The following SULF2 variants were observed in gnomAD, a reference collection of about 807,000 sequenced individuals.
SULF2 encodes sulfatase 2.
A neutral mutation model predicts 107.7 loss-of-function variants in SULF2; 52 were observed. The observed-to-expected ratio is 0.48, with a 90% CI of 0.39 to 0.61. The LOEUF (loss-of-function observed/expected upper bound fraction) is 0.61, where lower values mean the gene tolerates loss of function less well. SULF2 is among the 20% of genes least tolerant of loss of function. The probability of loss-of-function intolerance (pLI) is 0.00; values close to 1 mark genes in which losing one functional copy is unlikely to be tolerated. For synonymous variants in SULF2, 460 were observed against 464.3 expected (o/e 0.99, Z 0.12); for missense variants, 993 against 1,177.3 (o/e 0.84, Z 2.29).
chr20:47,767,733 C>T (rs1234034064), intron 1 of SULF2, among the ~76,000 whole-genome samples: 1 of 152,076 alleles, frequency 6.6e-6, no homozygotes, highest in African/African-American at 2.4e-5. Flanking sequence ...CGAGATTGCG[C>T]TACTGCACTC....
intron 4 of SULF2, among the ~76,000 whole-genome samples, chr20:47,701,781 T>C (rs1014794767): frequency 6.6e-6 from 1 of 152,198 alleles, no homozygotes; most frequent in African/African-American, 2.4e-5. Context: ...AGAAGCCAGA[T>C]GCAGAGTGAA....
chr20:47,770,202 A>C (rs2090604611), intron 1 of SULF2, among the ~76,000 whole-genome samples: 1 of 151,952 alleles, frequency 6.6e-6, no homozygotes, highest in African/African-American at 2.4e-5. Context: ...CTGGGACTGC[A>C]GGTGAGGACA....
intron 3 of SULF2, among the ~76,000 whole-genome samples, chr20:47,726,044 A>T (rs1158720273): frequency 6.6e-6 from 1 of 152,154 alleles, no homozygotes; most frequent in African/African-American, 2.4e-5. Flanking sequence ...CATAAGGGGA[A>T]GTGAGTGCAG....
intron 7 of SULF2, among the ~76,000 whole-genome samples, chr20:47,681,870 AGGCAGGGTTTCACCATGTT>A (rs1262833801): frequency 6.6e-6 from 1 of 152,080 alleles, no homozygotes; most frequent in Non-Finnish European, 1.5e-5. Context: ...TTTTTAGTAG[AGGCAGGGTTTCACCATGTT>A]GGCCAGGCTG....
At chr20:47,664,007 C>T in intron 15 of SULF2, 123 bp downstream of exon 15, 3 of 1,053,880 alleles carry the variant, frequency 2.8e-6, no homozygotes, top group Non-Finnish European at 4.2e-6. Context: ...TCGAGGGCTA[C>T]CGTGGACTTC....
chr20:47,754,597 C>T (rs1345001267), intron 2 of SULF2, among the ~76,000 whole-genome samples: 1 of 152,200 alleles, frequency 6.6e-6, no homozygotes, highest in Non-Finnish European at 1.5e-5. Flanking sequence ...CAAGAGCTGA[C>T]ACAGGCCACT....
intron 6 of SULF2, among the ~76,000 whole-genome samples, chr20:47,684,149 A>G (rs550880834): frequency 4.9e-4 from 74 of 152,262 alleles, no homozygotes; most frequent in Non-Finnish European, 8.4e-4. Context: ...TGTGAATTAC[A>G]TCCCAATAAA....
At chr20:47,660,610 A>T (rs1568773790) in intron 18 of SULF2, among the ~76,000 whole-genome samples, 3 of 149,716 alleles carry the variant, frequency 2.0e-5, no homozygotes, top group Non-Finnish European at 2.9e-5. Flanking sequence ...TTTTTAATAT[A>T]TTTTTTTTAT....
Position 47,658,110 on chromosome 20 carries a change from A to G in SULF2, c.*252T>C, listed in dbSNP as rs2086952166. ...GGTTAGTGGTGACTTTTTGATACGA[A>G]AAAATGCATTTTGTGCAGCTGGTGA... On this transcript the variant is annotated 3_prime_UTR_variant, in exon 21 of 21. Transcript: ENST00000688720. 1.9e-6 allele frequency: 1 copy of G among 526,724 alleles called. No individual in the cohort carries two copies. Among genetic ancestry groups the G allele is most frequent in the African/African-American group, 1.9e-5 (1 of 52,446 alleles). The allele number at this position is 526,724 out of a possible 1,614,324, so 32.6% of individuals were successfully genotyped here.
intron 3 of SULF2, among the ~76,000 whole-genome samples, chr20:47,719,732 G>A (rs1196336162): frequency 1.3e-5 from 2 of 152,198 alleles, no homozygotes; most frequent in Admixed American, 6.5e-5. Flanking sequence ...CAGACTATGT[G>A]TTTTCAGCTA....
At chr20:47,658,721 T>C (rs556907184) in intron 20 of SULF2, among the ~76,000 whole-genome samples, 1 of 152,252 alleles carries the variant, frequency 6.6e-6, no homozygotes, top group Non-Finnish European at 1.5e-5. Context: ...GCCACACAGG[T>C]TTATATGCAT....
chr20:47,757,672 G>A (rs780797866), intron 1 of SULF2, among the ~76,000 whole-genome samples: 1 of 151,988 alleles, frequency 6.6e-6, no homozygotes, highest in Non-Finnish European at 1.5e-5. Context: ...GCCTTCTGTG[G>A]CCACTTCTGC....
chr20:47,762,402 C>T (rs1331039275), intron 1 of SULF2, among the ~76,000 whole-genome samples: 1 of 152,258 alleles, frequency 6.6e-6, no homozygotes, highest in East Asian at 1.9e-4. Context: ...CTGCTCTGAG[C>T]TGTTTGCAGG....
chr20:47,780,388 T>C (rs1237413447), intron 1 of SULF2, among the ~76,000 whole-genome samples: 1 of 152,052 alleles, frequency 6.6e-6, no homozygotes, highest in African/African-American at 2.4e-5. Flanking sequence ...CTCTGGGCCT[T>C]TGCACTAGCT....
Position 47,726,553 on chromosome 20 carries a change from T to C in SULF2, c.415+10150A>G, listed in dbSNP as rs573814994. 9.8e-5 allele frequency among the ~76,000 whole-genome samples: 15 copies of C among 152,310 alleles called. No individual in the cohort carries two copies. In the East Asian group the frequency reaches 2.9e-3, roughly 29 times the overall value. On this transcript the variant is annotated intron_variant, in intron 3 of 20. Transcript: ENST00000688720. ...AGTCCTTTCTGTGCCAATGGAAACA[T>C]TCTCTATGTGCATTATCCAGTACAG...
At chr20:47,748,020 AC>A (rs2090082746) in intron 2 of SULF2, among the ~76,000 whole-genome samples, 1 of 152,194 alleles carries the variant, frequency 6.6e-6, no homozygotes, top group South Asian at 2.1e-4. Context: ...TCCCTGGGCC[AC>A]CCTCTTCACC....
intron 3 of SULF2, among the ~76,000 whole-genome samples, chr20:47,727,887 G>A (rs1012503361): frequency 2.0e-5 from 3 of 152,224 alleles, no homozygotes; most frequent in Non-Finnish European, 4.4e-5. Context: ...GAAATCTGAG[G>A]TCTTAGAGAA....
At chr20:47,690,372 C>G in intron 4 of SULF2, 77 bp from the exon 5 acceptor site, 3 of 1,159,614 alleles carry the variant, frequency 2.6e-6, no homozygotes, top group Non-Finnish European at 3.4e-6. Flanking sequence ...GCCAGGCACC[C>G]TGCTAGGCAC....
intron 11 of SULF2, among the ~76,000 whole-genome samples, chr20:47,671,971 A>C (rs2087488339): frequency 6.6e-6 from 1 of 152,140 alleles, no homozygotes; most frequent in African/African-American, 2.4e-5. Flanking sequence ...CGGACTCCCA[A>C]AGTACTGGGA....
Sources: gnomAD v4.1 joint callset for allele counts (sites outside exome capture counted in the v4.1 genomes callset) on GRCh38, gnomAD v4.1.1 for gene constraint, MANE v1.5 for transcripts, NCBI Gene and HGNC (gene_info 2026-07-23, HGNC 2026-07-21) for gene names.